CHST11: variants seen among roughly 807,000 people sequenced by gnomAD.
The protein encoded by CHST11 is carbohydrate sulfotransferase 11.
CHST11 carries 9 observed loss-of-function variants against 30.4 expected under a neutral mutation model. The ratio of observed to expected loss-of-function variants is 0.30; its 90% CI spans 0.18 to 0.52. The LOEUF is 0.52. CHST11 is among the 20% of genes least tolerant of loss of function. The pLI, the probability that CHST11 is intolerant of heterozygous loss-of-function variation, is 0.97. For missense variants in CHST11, 348 were observed against 460.6 expected (o/e 0.76, Z 2.24); for synonymous variants, 152 against 187.8 (o/e 0.81, Z 1.56).
intron 1 of CHST11, among the ~76,000 whole-genome samples, chr12:104,468,390 A>C (rs1278457272): frequency 1.3e-5 from 2 of 152,180 alleles, no homozygotes; most frequent in Non-Finnish European, 2.9e-5. Flanking sequence ...CCATTTTACA[A>C]GGGGGGAAAC....
chr12:104,680,780 G>A (rs1037573697), intron 2 of CHST11, among the ~76,000 whole-genome samples: 9 of 152,144 alleles, frequency 5.9e-5, no homozygotes, highest in Non-Finnish European at 1.0e-4. Flanking sequence ...GGGTTCTCAC[G>A]TGCAAGCAAA....
chr12:104,632,845 A>G (rs1486896411), intron 2 of CHST11, among the ~76,000 whole-genome samples: 1 of 152,192 alleles, frequency 6.6e-6, no homozygotes, highest in Admixed American at 6.5e-5. Context: ...TTCCCAGTAC[A>G]CTGAAGCTAT....
At chr12:104,698,514 G>A (rs887004442) in intron 2 of CHST11, among the ~76,000 whole-genome samples, 10 of 152,146 alleles carry the variant, frequency 6.6e-5, no homozygotes, top group Non-Finnish European at 1.5e-4. Flanking sequence ...TACAGTGCGC[G>A]CTCTGTAATT....
chr12:104,748,295 C>A (rs2040404011), intron 2 of CHST11, among the ~76,000 whole-genome samples: 1 of 152,138 alleles, frequency 6.6e-6, no homozygotes, highest in African/African-American at 2.4e-5. Context: ...AGCTGTGGTT[C>A]TCAAAGTTTG....
At chr12:104,493,126 G>A (rs186627897) in intron 1 of CHST11, among the ~76,000 whole-genome samples, 1 of 152,320 alleles carries the variant, frequency 6.6e-6, no homozygotes, top group East Asian at 1.9e-4. Context: ...TGTCAGTGAG[G>A]TCAGATGTTT....
At chr12:104,595,108 G>C (rs966092735) in intron 1 of CHST11, among the ~76,000 whole-genome samples, 6 of 152,146 alleles carry the variant, frequency 3.9e-5, no homozygotes, top group African/African-American at 1.4e-4. Flanking sequence ...CCTCCTGGGA[G>C]AGCTTCAGGT....
At chr12:104,509,475 C>T (rs949481405) in intron 1 of CHST11, among the ~76,000 whole-genome samples, 4 of 152,174 alleles carry the variant, frequency 2.6e-5, no homozygotes, top group Non-Finnish European at 4.4e-5. Context: ...TTTGAGTCTC[C>T]TGTTTTCCCC....
At chr12:104,463,320 A>C (rs2037427107) in intron 1 of CHST11, among the ~76,000 whole-genome samples, 1 of 152,110 alleles carries the variant, frequency 6.6e-6, no homozygotes, top group African/African-American at 2.4e-5. Flanking sequence ...TTTTTGGGAC[A>C]CCACCTTTAT....
At chr12:104,536,857 G>A (rs1043878422) in intron 1 of CHST11, among the ~76,000 whole-genome samples, 4 of 152,138 alleles carry the variant, frequency 2.6e-5, no homozygotes, top group Admixed American at 6.5e-5. Context: ...CCTCCAGGCC[G>A]GCTTCTCTGT....
intron 2 of CHST11, among the ~76,000 whole-genome samples, chr12:104,747,757 A>G (rs911224968): frequency 3.3e-5 from 5 of 152,130 alleles, no homozygotes; most frequent in South Asian, 2.1e-4. Context: ...AATGCTTCCA[A>G]ATGTACCTGT....
chr12:104,726,702 C>T (rs1053449642), intron 2 of CHST11, among the ~76,000 whole-genome samples: 2 of 152,056 alleles, frequency 1.3e-5, no homozygotes, highest in African/African-American at 2.4e-5. Context: ...AGGATTTGAG[C>T]GGCATCAAAA....
chr12:104,591,205 C>T (rs998637153), intron 1 of CHST11, among the ~76,000 whole-genome samples: 3 of 152,018 alleles, frequency 2.0e-5, no homozygotes, highest in African/African-American at 7.2e-5. Context: ...TCATGGGGGG[C>T]CTCTGGGCCG....
chr12:104,469,725 C>T (rs2037489997), intron 1 of CHST11, among the ~76,000 whole-genome samples: 1 of 152,152 alleles, frequency 6.6e-6, no homozygotes, highest in Non-Finnish European at 1.5e-5. Flanking sequence ...GGCACAGACC[C>T]ATTTCCTCCC....
chr12:104,610,007 A>G (rs935170024), intron 2 of CHST11, among the ~76,000 whole-genome samples: 17 of 151,198 alleles, frequency 1.1e-4, no homozygotes, highest in African/African-American at 4.1e-4. Context: ...TTGATCAGCA[A>G]GCTTGACGCA....
rs533955274 is a variant in CHST11 at position 104,655,336 on chromosome 12, T to C, written c.204+53345T>C. On this transcript the variant is annotated intron_variant, in intron 2 of 2. Coordinates refer to ENST00000303694, the MANE Select transcript of CHST11 (RefSeq NM_018413.6). ...TTTCTTTTAATTCTTTCCTGATTGA[T>C]GCGTGAGATGCCAGTGTGAAGGCAG... 1.3e-4 allele frequency among the ~76,000 whole-genome samples: 20 copies of C among 152,364 alleles called. No homozygotes were observed. In the South Asian group the frequency reaches 3.9e-3, roughly 30 times the overall value.
intron 1 of CHST11, among the ~76,000 whole-genome samples, chr12:104,583,185 G>A (rs2038764816): frequency 1.3e-5 from 2 of 152,138 alleles, no homozygotes; most frequent in African/African-American, 4.8e-5. Flanking sequence ...ATGGGACCTT[G>A]TCTCTCCATT....
chr12:104,552,941 G>A (rs914307189), intron 1 of CHST11: 2 of 152,156 alleles, frequency 1.3e-5, no homozygotes, highest in African/African-American at 4.8e-5. Context: ...CTATCTCCAA[G>A]GGTCCCACTG....
At chr12:104,476,457 C>T (rs922900987) in intron 1 of CHST11, among the ~76,000 whole-genome samples, 3 of 152,024 alleles carry the variant, frequency 2.0e-5, no homozygotes, top group Non-Finnish European at 2.9e-5. Context: ...TTTCTCATGT[C>T]ATTCAGTTTT....
At chr12:104,666,491 CGTT>C (rs1240571909) in intron 2 of CHST11, among the ~76,000 whole-genome samples, 1 of 152,146 alleles carries the variant, frequency 6.6e-6, no homozygotes, top group African/African-American at 2.4e-5. Flanking sequence ...AATTTCCTTC[CGTT>C]GTTCTTGGGA....
Sources: allele counts gnomAD v4.1 joint callset (sites outside exome capture counted in the v4.1 genomes callset), GRCh38; gene constraint gnomAD v4.1.1; transcripts MANE v1.5; gene names NCBI Gene and HGNC (gene_info 2026-07-23, HGNC 2026-07-21).